Variants in SPATA22 observed in about 807,000 individuals in gnomAD.
SPATA22 encodes the protein spermatogenesis associated 22.
SPATA22 carries 29 observed loss-of-function variants against 47.8 expected under a neutral mutation model. The ratio of observed to expected loss-of-function variants is 0.61; its 90% CI spans 0.45 to 0.83. The LOEUF is 0.83. Among genes scored for constraint, SPATA22 ranks in the 40% least tolerant of loss-of-function variants. The pLI is 0.00. For missense variants in SPATA22, 410 were observed against 421.7 expected, an observed-to-expected ratio of 0.97 and a Z score of 0.24; for synonymous variants, 133 against 140.9, an observed-to-expected ratio of 0.94 and a Z score of 0.40.
At chr17:3,459,899 T>A (rs2073087606) in intron 5 of SPATA22, among the ~76,000 whole-genome samples, 1 of 152,146 alleles carries the variant, frequency 6.6e-6, no homozygotes, top group Non-Finnish European at 1.5e-5. Context: ...GTTATATGGA[T>A]ATTGGGGGCC....
chr17:3,467,738 T>C (rs7223710), intron 2 of SPATA22, among the ~76,000 whole-genome samples, 184 bp from the exon 3 acceptor site: 49,960 of 152,044 alleles, frequency 0.33, 10,528 homozygotes, highest in Non-Finnish European at 0.48. Context: ...GCCTAATTTG[T>C]TTCTTCAAAA....
chr17:3,482,897 G>A (rs941196821), intron 1 of SPATA22, among the ~76,000 whole-genome samples: 1 of 149,082 alleles, frequency 6.7e-6, no homozygotes, highest in Admixed American at 6.7e-5. Flanking sequence ...CCATTAACTC[G>A]TCATTTAGCA....
rs2073802334 is a variant in SPATA22 at position 3,490,297 on chromosome 17, G to C, written c.-73-20899C>G. ...CTGGTGGACAAGGTGGGTATATGCA[G>C]CTCTATGCACTATCTGCTCATTTAT... is the stretch of plus-strand genomic sequence containing the variant. On this transcript the variant is annotated intron_variant, in intron 1 of 8. Transcript: ENST00000541913. The surrounding 1 kb of genome is among the most constrained non-coding windows in gnomAD (Gnocchi z 4.6). 6.6e-6 allele frequency among the ~76,000 whole-genome samples: 1 copy of C among 152,126 alleles called. No homozygotes were observed. Among genetic ancestry groups the C allele is most frequent in the African/African-American group, 2.4e-5 (1 of 41,430 alleles).
intron 1 of SPATA22, chr17:3,512,480 T>C (rs954911539): frequency 6.6e-6 from 1 of 152,254 alleles, no homozygotes; most frequent in Non-Finnish European, 1.5e-5. Flanking sequence ...TCAAGCCAGA[T>C]GAACTTATCT....
At chr17:3,512,133 A>C (rs1270734371) in intron 1 of SPATA22, 1 of 152,196 alleles carries the variant, frequency 6.6e-6, no homozygotes, top group East Asian at 1.9e-4. Context: ...GATTCTGTTG[A>C]GCCAAAATCT....
At chr17:3,482,614 ACCCAT>A (rs1223983156) in intron 1 of SPATA22, among the ~76,000 whole-genome samples, 1 of 152,132 alleles carries the variant, frequency 6.6e-6, no homozygotes, top group Non-Finnish European at 1.5e-5. Flanking sequence ...AACAACACTT[ACCCAT>A]AAGGGTACTC....
At position 3,481,751 on chromosome 17, in the gene SPATA22, G is replaced by A. The variant is rs773049803; in HGVS notation, c.-73-12353C>T. 1 of 1,613,116 alleles carries A rather than the reference G, an allele frequency of 6.2e-7. No individual in the cohort carries two copies. Among genetic ancestry groups the A allele is most frequent in the Non-Finnish European group, 8.5e-7 (1 of 1,179,512 alleles). On this transcript the variant is annotated intron_variant, in intron 1 of 8. Coordinates refer to the SPATA22 transcript ENST00000541913. ...TAACATGGGGTGCACTCTTATTCTT[G>A]AGGATTCCAGGAATAACTTTTTAAT...
intron 1 of SPATA22, among the ~76,000 whole-genome samples, chr17:3,479,787 A>G (rs1024791642): frequency 2.0e-5 from 3 of 152,218 alleles, no homozygotes; most frequent in Non-Finnish European, 4.4e-5. Context: ...TGTACACAGT[A>G]GGTCCCTTGA....
At chr17:3,473,879 TTACTCTTTTAAGTA>T (rs1471128565), upstream of SPATA22, among the ~76,000 whole-genome samples, 1 of 152,244 alleles carries the variant, frequency 6.6e-6, no homozygotes, top group African/African-American at 2.4e-5. Context: ...GAAGTTATGC[TTACTCTTTTAAGTA>T]CTTCAGAATA....
intron 1 of SPATA22, among the ~76,000 whole-genome samples, chr17:3,495,385 CTGAT>C (rs2073892540): frequency 6.6e-6 from 1 of 152,158 alleles, no homozygotes; most frequent in Non-Finnish European, 1.5e-5. Context: ...TTGAAAAACA[CTGAT>C]TGATCCAGTT....
At chr17:3,506,917 G>C (rs2074045251) in intron 1 of SPATA22, among the ~76,000 whole-genome samples, 1 of 147,156 alleles carries the variant, frequency 6.8e-6, no homozygotes, top group South Asian at 2.3e-4. Flanking sequence ...CTTCAGCCTG[G>C]GTGACAAGGC....
At chr17:3,498,482 G>A (rs2073944961) in intron 1 of SPATA22, among the ~76,000 whole-genome samples, 1 of 151,844 alleles carries the variant, frequency 6.6e-6, no homozygotes, top group African/African-American at 2.4e-5. Flanking sequence ...TGAGTATCTG[G>A]GACTACAGGC....
rs1457702543 is a variant in SPATA22 at position 3,446,445 on chromosome 17, GAAGTATTTTTA to G, written c.802+16_802+26del. 1 of 1,588,698 alleles carries G rather than the reference GAAGTATTTTTA, an allele frequency of 6.3e-7. No homozygotes were observed. On this transcript the variant is annotated intron_variant, in intron 7 of 8. Transcript: ENST00000572969. ...AACCTGTCCTCCAGAGAGTATTACT[GAAGTATTTTTA>G]AAGTATTTTACCTACCTAATACTTC...
upstream of SPATA22, chr17:3,476,513 A>T (rs2073526286): frequency 1.1e-6 from 1 of 950,698 alleles, no homozygotes; most frequent in African/African-American, 1.6e-5. Flanking sequence ...ATGCAGTCGT[A>T]TGTTGAATAA....
upstream of SPATA22, among the ~76,000 whole-genome samples, chr17:3,473,767 G>C (rs1225236819): frequency 6.6e-6 from 1 of 151,950 alleles, no homozygotes; most frequent in Non-Finnish European, 1.5e-5. Flanking sequence ...CAAAGTGCTG[G>C]GATTACAAGC....
chr17:3,471,549 C>T (rs2073435730), intron 1 of SPATA22, 133 bp downstream of exon 1: 1 of 985,466 alleles, frequency 1.0e-6, no homozygotes, highest in South Asian at 4.7e-5. Context: ...ACAAAAACCA[C>T]GGCCTCAAAT....
rs538545426 is a variant in SPATA22 at position 3,491,465 on chromosome 17, G to A, written c.-74+21947C>T. ...GAAAATCATAATGAGAATAATTCCTGGCCAGGCGCGGTGGCTCATGCCTGT... is the reference window on the plus strand; with the variant it reads ...GAAAATCATAATGAGAATAATTCCTAGCCAGGCGCGGTGGCTCATGCCTGT... On this transcript the variant is annotated intron_variant, in intron 1 of 8. Coordinates refer to the SPATA22 transcript ENST00000541913. Among the ~76,000 whole-genome samples the A allele has an allele frequency of 1.6e-3, 250 of 152,204 alleles. 1 individual carries two copies. Among genetic ancestry groups the A allele is most frequent in the Non-Finnish European group, 3.0e-3 (205 of 68,006 alleles).
chr17:3,442,533 CTA>C (rs1444866812), intron 8 of SPATA22, among the ~76,000 whole-genome samples: 7 of 152,028 alleles, frequency 4.6e-5, no homozygotes, highest in African/African-American at 1.4e-4. Flanking sequence ...CTCCACACTT[CTA>C]TGTCACCAAG....
chr17:3,506,130 T>C (rs2074038588), intron 1 of SPATA22, among the ~76,000 whole-genome samples: 1 of 152,172 alleles, frequency 6.6e-6, no homozygotes, highest in Admixed American at 6.5e-5. Flanking sequence ...TAGAGACCTT[T>C]GTATGCCTGT....
Sources: allele counts gnomAD v4.1 joint callset (sites outside exome capture counted in the v4.1 genomes callset), GRCh38; gene constraint gnomAD v4.1.1; non-coding constraint Gnocchi (gnomAD v3.1); transcripts MANE v1.5; gene names NCBI Gene and HGNC (gene_info 2026-07-23, HGNC 2026-07-21).